IL1RAP: variants seen among roughly 807,000 people sequenced by gnomAD.
IL1RAP encodes the protein interleukin 1 receptor accessory protein, also known as interleukin-1 receptor accessory protein.
IL1RAP carries 35 observed loss-of-function variants against 60.7 expected under a neutral mutation model. That is an observed-to-expected ratio of 0.58 (90% CI 0.44 to 0.76). The LOEUF (loss-of-function observed/expected upper bound fraction) is 0.76. IL1RAP is among the 30% of genes least tolerant of loss of function. The probability of loss-of-function intolerance (pLI) is 0.00; values close to 1 mark genes in which losing one functional copy is unlikely to be tolerated. For synonymous variants in IL1RAP, 268 were observed against 250.9 expected, an observed-to-expected ratio of 1.07 and a Z score of -0.64; for missense variants, 572 against 693.9, an observed-to-expected ratio of 0.82 and a Z score of 1.97.
intron 3 of IL1RAP, among the ~76,000 whole-genome samples, chr3:190,602,822 A>G (rs570788433): frequency 6.6e-6 from 1 of 152,330 alleles, no homozygotes; most frequent in East Asian, 1.9e-4. Flanking sequence ...AAAAAAATAC[A>G]TACATAAGCA....
At chr3:190,579,617 CT>C (rs1243061206) in intron 3 of IL1RAP, among the ~76,000 whole-genome samples, 1 of 151,938 alleles carries the variant, frequency 6.6e-6, no homozygotes, top group Non-Finnish European at 1.5e-5. Context: ...CTAAAGATTC[CT>C]TTTATTGCAA....
chr3:190,530,457 T>C (rs1437087594), intron 1 of IL1RAP, among the ~76,000 whole-genome samples: 2 of 152,140 alleles, frequency 1.3e-5, no homozygotes, highest in African/African-American at 4.8e-5. Context: ...CTAAAGGAGG[T>C]GACCCAGAGT....
chr3:190,584,931 C>A (rs1162647045), intron 3 of IL1RAP, among the ~76,000 whole-genome samples: 1 of 152,096 alleles, frequency 6.6e-6, no homozygotes, highest in Non-Finnish European at 1.5e-5. Flanking sequence ...TGAAAATGAC[C>A]ATTGCCCTGT....
At chr3:190,651,988 G>A (rs1734425070), downstream of IL1RAP, among the ~76,000 whole-genome samples, 1 of 152,072 alleles carries the variant, frequency 6.6e-6, no homozygotes, top group African/African-American at 2.4e-5. Flanking sequence ...GCAACCACAC[G>A]GTAGTTGCTT....
At chr3:190,615,219 ATAGTT>A in intron 5 of IL1RAP, 1 of 702,408 alleles carries the variant, frequency 1.4e-6, no homozygotes, top group Non-Finnish European at 2.2e-6. Context: ...AAAGCAAACC[ATAGTT>A]TGTAAGTGAT....
At chr3:190,604,530 T>C in intron 4 of IL1RAP, 117 bp downstream of exon 4, 7 of 1,071,238 alleles carry the variant, frequency 6.5e-6, no homozygotes, top group Non-Finnish European at 9.3e-6. Flanking sequence ...TAGAGTTTAG[T>C]GAGGTAATTG....
At chr3:190,562,507 G>C (rs1406182659) in intron 2 of IL1RAP, among the ~76,000 whole-genome samples, 1 of 151,990 alleles carries the variant, frequency 6.6e-6, no homozygotes. Context: ...AAAGTGTCTT[G>C]CTGGGGGTTC....
Position 190,649,691 on chromosome 3 carries a change from G to A in IL1RAP, c.*986G>A, listed in dbSNP as rs1048892006. On this transcript the variant is annotated 3_prime_UTR_variant, in exon 12 of 12. Coordinates refer to ENST00000447382, the MANE Select transcript of IL1RAP (RefSeq NM_002182.4). ...TTTTTGTTGCTCCATTGTAAAGGGC[G>A]GAGGTCAGTCTTAGTGGCCTTGAGA... 25 of 985,644 alleles carry A rather than the reference G, an allele frequency of 2.5e-5. No individual in the cohort carries two copies. The highest frequency in any genetic ancestry group is 1.9e-4 in the African/African-American group (11 of 57,202). 61.1% of individuals were successfully genotyped at this position (985,644 alleles called of 1,614,324 possible).
At chr3:190,522,294 C>T (rs1267756117) in intron 1 of IL1RAP, among the ~76,000 whole-genome samples, 1 of 50,938 alleles carries the variant, frequency 2.0e-5, no homozygotes, top group East Asian at 7.2e-4. Flanking sequence ...CCTTTGCTTC[C>T]TTCCTTCCTT....
At chr3:190,556,958 G>A (rs1412335595) in intron 2 of IL1RAP, among the ~76,000 whole-genome samples, 1 of 152,176 alleles carries the variant, frequency 6.6e-6, no homozygotes, top group Non-Finnish European at 1.5e-5. Flanking sequence ...AGTTGTATTA[G>A]TTTCTATCAT....
At chr3:190,569,138 A>G (rs1469091490) in intron 3 of IL1RAP, among the ~76,000 whole-genome samples, 2 of 152,266 alleles carry the variant, frequency 1.3e-5, no homozygotes, top group African/African-American at 2.4e-5. Context: ...TAGGTTGGGA[A>G]CAAATTATGC....
Position 190,620,299 on chromosome 3 carries a change from A to C in IL1RAP, c.562A>C (p.Asn188His). ...GGGCTGTTATAAAATACAGAATTTT[A>C]ATAATGTAATACCCGAAGGTATGAA... is the stretch of plus-strand genomic sequence containing the variant. ...YMGCYKIQNF[N>H]NVIPEGMNLS... is the part of the protein sequence containing the mutation. Residue 188 changes from asparagine to histidine, a missense_variant, in exon 6 of 12, where the codon AAT becomes CAT. Coordinates refer to ENST00000447382, the MANE Select transcript of IL1RAP (RefSeq NM_002182.4). 1 of 1,568,028 alleles carries C rather than the reference A, an allele frequency of 6.4e-7. No homozygotes were observed. The highest frequency in any genetic ancestry group is 8.7e-7 in the Non-Finnish European group (1 of 1,151,116).
chr3:190,616,869 G>A (rs548053306), intron 5 of IL1RAP, among the ~76,000 whole-genome samples: 36 of 152,200 alleles, frequency 2.4e-4, no homozygotes, highest in African/African-American at 7.9e-4. Flanking sequence ...GCAAGTTTCC[G>A]ACCACGCAGA....
At position 190,644,412 on chromosome 3, in the gene IL1RAP, T is replaced by C; in HGVS notation, c.1201+15T>C. The stretch of plus-strand genomic sequence containing the variant: ...AACCATTTTAGGTAAGTAACAGAAA[T>C]TTGACATAAACCTCTTCTACTGTCA... On this transcript the variant is annotated intron_variant, in intron 10 of 11. Transcript: ENST00000447382. The C allele has an allele frequency of 6.3e-7, 1 of 1,597,842 alleles. No individual in the cohort carries two copies. The highest frequency in any genetic ancestry group is 1.3e-5 in the African/African-American group (1 of 74,664).
chr3:190,655,558 CGT>C (rs34341875), downstream of IL1RAP, among the ~76,000 whole-genome samples: 16,455 of 130,878 alleles, frequency 0.13, 940 homozygotes, highest in African/African-American at 0.15. Context: ...AATTGCCCAC[CGT>C]GTGTGTGTGT....
intron 3 of IL1RAP, among the ~76,000 whole-genome samples, chr3:190,594,335 G>A (rs1451942680): frequency 6.6e-6 from 1 of 152,126 alleles, no homozygotes; most frequent in East Asian, 1.9e-4. Flanking sequence ...GGCTGGTAAG[G>A]CAACTCCGCA....
intron 5 of IL1RAP, among the ~76,000 whole-genome samples, chr3:190,613,141 A>G (rs1324746837): frequency 6.6e-6 from 1 of 152,138 alleles, no homozygotes; most frequent in Non-Finnish European, 1.5e-5. Context: ...AGAGAGAGAT[A>G]TGTATCCTAG....
intron 9 of IL1RAP, among the ~76,000 whole-genome samples, chr3:190,643,760 C>T (rs1577815715): frequency 6.6e-6 from 1 of 152,232 alleles, no homozygotes; most frequent in Non-Finnish European, 1.5e-5. Flanking sequence ...CTACACTAGA[C>T]AAGAGAATGA....
At chr3:190,547,943 C>G (rs1177375554) in intron 1 of IL1RAP, among the ~76,000 whole-genome samples, 1 of 152,058 alleles carries the variant, frequency 6.6e-6, no homozygotes, top group Non-Finnish European at 1.5e-5. Flanking sequence ...GTAAGGGGGG[C>G]CTCTCCGAGG....
Sources: allele counts gnomAD v4.1 joint callset (sites outside exome capture counted in the v4.1 genomes callset), GRCh38; gene constraint gnomAD v4.1.1; transcripts MANE v1.5; gene names NCBI Gene and HGNC (gene_info 2026-07-23, HGNC 2026-07-21).